ROBO1: variants seen among roughly 807,000 people sequenced by gnomAD.
ROBO1 encodes the protein roundabout guidance receptor 1, also known as roundabout homolog 1.
In ROBO1, 149 loss-of-function variants were observed where a neutral mutation model predicts 195.9. That is an observed-to-expected ratio of 0.76 (90% CI 0.67 to 0.87). ROBO1 has a LOEUF of 0.87. Ranked by LOEUF, ROBO1 falls within the 40% of genes least tolerant of loss-of-function variation. ROBO1 has a pLI of 0.00. For synonymous variants in ROBO1, 816 were observed against 733.2 expected, an observed-to-expected ratio of 1.11 and a Z score of -1.82; for missense variants, 1,933 against 2,068.3, an observed-to-expected ratio of 0.93 and a Z score of 1.27.
intron 2 of ROBO1, chr3:79,533,168 G>A: frequency 5.0e-6 from 2 of 401,968 alleles, no homozygotes; most frequent in East Asian, 7.9e-5. Flanking sequence ...AAAAGGGAAG[G>A]GAATACAGTA....
intron 1 of ROBO1, among the ~76,000 whole-genome samples, chr3:79,681,791 A>G (rs944998979): frequency 1.3e-5 from 2 of 151,984 alleles, no homozygotes; most frequent in African/African-American, 4.8e-5. Context: ...GGATAGTGTC[A>G]TTCACAGACA....
At chr3:78,608,424 A>C (rs2107306000) in intron 28 of ROBO1, among the ~76,000 whole-genome samples, 1 of 152,330 alleles carries the variant, frequency 6.6e-6, no homozygotes, top group Non-Finnish European at 1.5e-5. Context: ...AATTTTGTAT[A>C]TCATAGATAT....
At chr3:78,682,772 AATAAT>A (rs1158925983) in intron 10 of ROBO1, among the ~76,000 whole-genome samples, 1 of 148,668 alleles carries the variant, frequency 6.7e-6, no homozygotes, top group Admixed American at 6.8e-5. Flanking sequence ...ATAAAATTAT[AATAAT>A]ATAATTTTAT....
intron 2 of ROBO1, among the ~76,000 whole-genome samples, chr3:79,493,653 T>C (rs1939584814): frequency 2.0e-5 from 3 of 152,014 alleles, no homozygotes; most frequent in Admixed American, 6.6e-5. Flanking sequence ...ATTTAAAAAA[T>C]CAAAATAATT....
At chr3:78,623,390 G>A (rs1409526819) in intron 26 of ROBO1, among the ~76,000 whole-genome samples, 1 of 152,128 alleles carries the variant, frequency 6.6e-6, no homozygotes, top group East Asian at 1.9e-4. Flanking sequence ...AGGTGAGTGA[G>A]AATTGTGCTT....
intron 3 of ROBO1, among the ~76,000 whole-genome samples, chr3:79,112,512 C>T (rs2079905427): frequency 1.3e-5 from 2 of 152,046 alleles, no homozygotes; most frequent in South Asian, 4.1e-4. Context: ...TTGATGAACT[C>T]CCAAGTTTAT....
At chr3:78,942,670 A>G (rs755965696) in intron 3 of ROBO1, among the ~76,000 whole-genome samples, 1 of 152,174 alleles carries the variant, frequency 6.6e-6, no homozygotes, top group Non-Finnish European at 1.5e-5. Context: ...CTTAAGTTTG[A>G]CCTCAAAAAA....
At chr3:78,819,675 A>G (rs1463746306) in intron 4 of ROBO1, among the ~76,000 whole-genome samples, 6 of 152,094 alleles carry the variant, frequency 3.9e-5, no homozygotes, top group African/African-American at 1.4e-4. Flanking sequence ...TCCAATATCA[A>G]CTATCTTCAT....
At chr3:78,767,261 T>TTG (rs1209782998) in intron 4 of ROBO1, among the ~76,000 whole-genome samples, 2 of 152,066 alleles carry the variant, frequency 1.3e-5, no homozygotes, top group East Asian at 3.9e-4. Flanking sequence ...ACTTTTTTTT[T>TTG]TTGTCGGTAA....
At chr3:79,329,444 C>A (rs75038975) in intron 2 of ROBO1, among the ~76,000 whole-genome samples, 2,067 of 152,208 alleles carry the variant, frequency 0.014, 59 homozygotes, top group African/African-American at 0.048. Context: ...AGTTAAAAAT[C>A]CTGGTTCTGG....
Position 79,715,841 on chromosome 3 carries a change from A to G in ROBO1, c.-51+51911T>C, listed in dbSNP as rs190645385. 6.1e-3 allele frequency among the ~76,000 whole-genome samples: 934 copies of G among 152,272 alleles called. 5 individuals carry two copies. The highest frequency in any genetic ancestry group is 0.01 in the Non-Finnish European group (702 of 68,008). ...CCAGACAGAATTACATTTAAATAGA[A>G]GAACCAAAATATATTTAACTTGTCT... On this transcript the variant is annotated intron_variant, in intron 1 of 30. Coordinates refer to ENST00000464233, the MANE Select transcript of ROBO1 (RefSeq NM_002941.4).
intron 2 of ROBO1, among the ~76,000 whole-genome samples, chr3:79,352,064 T>A (rs574498163): frequency 6.6e-6 from 1 of 152,332 alleles, no homozygotes; most frequent in South Asian, 2.1e-4. Flanking sequence ...GAACAGAACA[T>A]CCTGATGCTA....
intron 4 of ROBO1, among the ~76,000 whole-genome samples, chr3:78,759,923 GAT>G (rs1260464961): frequency 6.6e-6 from 1 of 152,174 alleles, no homozygotes; most frequent in Non-Finnish European, 1.5e-5. Context: ...TTTTAGGAAT[GAT>G]ATCTATGGAG....
chr3:79,756,206 T>G (rs1704383515), intron 1 of ROBO1, among the ~76,000 whole-genome samples: 1 of 152,200 alleles, frequency 6.6e-6, no homozygotes, highest in Non-Finnish European at 1.5e-5. Flanking sequence ...TATTCTATGG[T>G]GCTATCTTTA....
chr3:79,553,296 T>A (rs1942587454), intron 2 of ROBO1, among the ~76,000 whole-genome samples: 1 of 152,050 alleles, frequency 6.6e-6, no homozygotes, highest in East Asian at 1.9e-4. Flanking sequence ...TAACAAAATT[T>A]CCACTTCTAA....
intron 1 of ROBO1, among the ~76,000 whole-genome samples, chr3:79,643,885 G>T (rs1945739470): frequency 6.6e-6 from 1 of 151,992 alleles, no homozygotes; most frequent in Non-Finnish European, 1.5e-5. Flanking sequence ...ACACTAAGTG[G>T]ATGCAATTCT....
intron 3 of ROBO1, among the ~76,000 whole-genome samples, chr3:79,091,985 A>G (rs1481601371): frequency 1.3e-5 from 2 of 152,202 alleles, no homozygotes. Flanking sequence ...ATCTGATTTA[A>G]GATGAAAGGG....
chr3:79,760,541 T>C (rs868395759), intron 1 of ROBO1, among the ~76,000 whole-genome samples: 12 of 146,654 alleles, frequency 8.2e-5, no homozygotes, highest in South Asian at 2.2e-4. Context: ...AAAGAATTTG[T>C]ATAATCTATA....
At chr3:79,653,242 G>A (rs1192955704) in intron 1 of ROBO1, among the ~76,000 whole-genome samples, 1 of 151,614 alleles carries the variant, frequency 6.6e-6, no homozygotes, top group African/African-American at 2.4e-5. Context: ...AAAAATAAAT[G>A]AGAAATTCAT....
Sources: allele counts gnomAD v4.1 joint callset (sites outside exome capture counted in the v4.1 genomes callset), GRCh38; gene constraint gnomAD v4.1.1; transcripts MANE v1.5; gene names NCBI Gene and HGNC (gene_info 2026-07-23, HGNC 2026-07-21).